The following SORCS2 variants were observed in gnomAD, a reference collection of about 807,000 sequenced individuals.
The protein encoded by SORCS2 is sortilin related VPS10 domain containing receptor 2, also known as VPS10 domain-containing receptor SorCS2.
In SORCS2, 100 loss-of-function variants were observed where a neutral mutation model predicts 141.6. That is an observed-to-expected ratio of 0.71 (90% CI 0.60 to 0.83). The LOEUF (loss-of-function observed/expected upper bound fraction) is 0.83. Ranked by LOEUF, SORCS2 falls within the 40% of genes least tolerant of loss-of-function variation. SORCS2 has a pLI of 0.00. For synonymous variants in SORCS2, 789 were observed against 676.9 expected (o/e 1.17, Z -2.57); for missense variants, 1,646 against 1,560.2 (o/e 1.05, Z -0.93).
Position 7,553,943 on chromosome 4 carries a change from T to C in SORCS2, c.648+22314T>C, listed in dbSNP as rs116578811. 9.7e-3 allele frequency among the ~76,000 whole-genome samples: 1,471 copies of C among 152,264 alleles called. 22 individuals carry two copies. The highest frequency in any genetic ancestry group is 0.033 in the African/African-American group (1,358 of 41,548). On this transcript the variant is annotated intron_variant, in intron 3 of 26. Transcript: ENST00000507866. ...ATATTTTGAGAAATCCCAAACAATC[T>C]TTAGTTAAATCCAATTAGGAGGTTC...
At chr4:7,528,097 T>C (rs545925693) in intron 2 of SORCS2, among the ~76,000 whole-genome samples, 109 of 125,536 alleles carry the variant, frequency 8.7e-4, no homozygotes, top group African/African-American at 2.8e-3. Flanking sequence ...ACCCCCATGA[T>C]AGCAGGGCAC....
intron 2 of SORCS2, among the ~76,000 whole-genome samples, chr4:7,397,555 T>C (rs1337178355): frequency 6.6e-6 from 1 of 152,138 alleles, no homozygotes; most frequent in Non-Finnish European, 1.5e-5. Flanking sequence ...CGTATCCCTG[T>C]GTAGAGGACA....
At chr4:7,400,916 T>G (rs1724545263) in intron 2 of SORCS2, among the ~76,000 whole-genome samples, 1 of 151,012 alleles carries the variant, frequency 6.6e-6, no homozygotes, top group Non-Finnish European at 1.5e-5. Context: ...GATGGATAGA[T>G]GAATGGAGAG....
chr4:7,590,059 T>C (rs1716812789), intron 3 of SORCS2, among the ~76,000 whole-genome samples: 1 of 152,128 alleles, frequency 6.6e-6, no homozygotes, highest in Non-Finnish European at 1.5e-5. Flanking sequence ...GAATGGCTAT[T>C]TATTGCTGTT....
intron 1 of SORCS2, among the ~76,000 whole-genome samples, chr4:7,213,694 G>A (rs1728173230): frequency 6.6e-6 from 1 of 152,184 alleles, no homozygotes; most frequent in African/African-American, 2.4e-5. Context: ...GAGGTGAGTG[G>A]GTTGGGCAGA....
chr4:7,578,358 A>G (rs1411596562), intron 3 of SORCS2, among the ~76,000 whole-genome samples: 1 of 152,200 alleles, frequency 6.6e-6, no homozygotes, highest in African/African-American at 2.4e-5. Context: ...TGGCAACACA[A>G]AATGGACTAA....
intron 1 of SORCS2, among the ~76,000 whole-genome samples, chr4:7,206,649 C>T (rs1203619267): frequency 6.6e-6 from 1 of 152,150 alleles, no homozygotes; most frequent in Non-Finnish European, 1.5e-5. Context: ...AGCAGTCTAG[C>T]AGCTGCTGAC....
At chr4:7,653,252 T>G (rs1231146390) in intron 4 of SORCS2, among the ~76,000 whole-genome samples, 2 of 151,410 alleles carry the variant, frequency 1.3e-5, no homozygotes. Flanking sequence ...AAGACACAAT[T>G]TTTTTTTTCA....
intron 3 of SORCS2, among the ~76,000 whole-genome samples, chr4:7,629,567 C>A (rs984035196): frequency 1.3e-5 from 2 of 151,902 alleles, no homozygotes; most frequent in South Asian, 2.1e-4. Flanking sequence ...CCCAACCCCC[C>A]TCGCTCCCCA....
At chr4:7,366,182 A>G (rs1000508838) in intron 1 of SORCS2, among the ~76,000 whole-genome samples, 106 of 152,106 alleles carry the variant, frequency 7.0e-4, no homozygotes, top group African/African-American at 2.3e-3. Flanking sequence ...CTCGAAGGTG[A>G]GGAAGGAGAG....
At chr4:7,689,666 G>T in intron 11 of SORCS2, 78 bp downstream of exon 11, 1 of 1,357,642 alleles carries the variant, frequency 7.4e-7, no homozygotes, top group Non-Finnish European at 1.0e-6. Flanking sequence ...GGTAAAAAGG[G>T]ATGGTCATGA....
At chr4:7,537,463 TC>T (rs577343798) in intron 3 of SORCS2, among the ~76,000 whole-genome samples, 98 of 152,088 alleles carry the variant, frequency 6.4e-4, no homozygotes, top group Non-Finnish European at 1.3e-3. Flanking sequence ...ACCCACCCAT[TC>T]AGCAGAAATG....
intron 14 of SORCS2, among the ~76,000 whole-genome samples, chr4:7,707,744 A>G (rs1725560373): frequency 6.6e-6 from 1 of 152,222 alleles, no homozygotes; most frequent in Non-Finnish European, 1.5e-5. Flanking sequence ...CTTGATGCTC[A>G]GTGAATGTGG....
chr4:7,334,748 G>C (rs755547550), intron 1 of SORCS2, among the ~76,000 whole-genome samples: 1 of 152,260 alleles, frequency 6.6e-6, no homozygotes, highest in Admixed American at 6.5e-5. Context: ...AGGTTGCCAC[G>C]GACAAAGTGC....
At chr4:7,226,707 C>T (rs114440432) in intron 1 of SORCS2, among the ~76,000 whole-genome samples, 64 of 152,246 alleles carry the variant, frequency 4.2e-4, no homozygotes, top group Non-Finnish European at 7.4e-4. Context: ...AGTGGCCCTG[C>T]GGCGGCTCGG....
rs544236440 is a variant in SORCS2, at chr4:7,353,116, GA to G, written c.481-43171del. Among the ~76,000 whole-genome samples, 6 of 152,326 alleles carry G rather than the reference GA, an allele frequency of 3.9e-5. No homozygotes were observed. In the South Asian group the frequency reaches 1.2e-3, roughly 32 times the overall value. On this transcript the variant is annotated intron_variant, in intron 1 of 26. Coordinates refer to ENST00000507866, the MANE Select transcript of SORCS2 (RefSeq NM_020777.3). ...TGGTTCTCACTGGGAGGGGGTAGAGGAGGATGGAGTCAGCCACCAGAGGTGG... is the reference window on the plus strand; with the variant it reads ...TGGTTCTCACTGGGAGGGGGTAGAGGGGATGGAGTCAGCCACCAGAGGTGG...
chr4:7,719,200 A>G (rs1726409170), intron 18 of SORCS2, among the ~76,000 whole-genome samples: 1 of 152,208 alleles, frequency 6.6e-6, no homozygotes, highest in Non-Finnish European at 1.5e-5. Flanking sequence ...TACGGTGCCA[A>G]GGTGGGGTGG....
chr4:7,445,424 G>A (rs1202872981), intron 2 of SORCS2, among the ~76,000 whole-genome samples: 1 of 152,132 alleles, frequency 6.6e-6, no homozygotes, highest in Non-Finnish European at 1.5e-5. Flanking sequence ...GGCATCCTGG[G>A]AAGAGCATGA....
Position 7,478,154 on chromosome 4 carries a change from C to T in SORCS2, c.549-53376C>T, listed in dbSNP as rs560479512. ...GCAGCAGACCACCCATAACGGGAGCCATTTGCCCAGTGAGGCAGTTTGAAA... is the reference window on the plus strand; with the variant it reads ...GCAGCAGACCACCCATAACGGGAGCTATTTGCCCAGTGAGGCAGTTTGAAA... On this transcript the variant is annotated intron_variant, in intron 2 of 26. Coordinates refer to ENST00000507866, the MANE Select transcript of SORCS2 (RefSeq NM_020777.3). 5.9e-5 allele frequency among the ~76,000 whole-genome samples: 9 copies of T among 152,296 alleles called. No homozygotes were observed. The South Asian group carries it at 1.2e-3, about 21-fold the overall frequency.
Sources: gnomAD v4.1 joint callset for allele counts (sites outside exome capture counted in the v4.1 genomes callset) on GRCh38, gnomAD v4.1.1 for gene constraint, MANE v1.5 for transcripts, NCBI Gene and HGNC (gene_info 2026-07-23, HGNC 2026-07-21) for gene names.